CACNA1C: variants seen among roughly 807,000 people sequenced by gnomAD.
CACNA1C encodes the protein calcium voltage-gated channel subunit alpha1 C.
Under a neutral mutation model 229.0 loss-of-function variants are expected in CACNA1C, and 30 were observed. The ratio of observed to expected loss-of-function variants is 0.13; its 90% confidence interval spans 0.10 to 0.18. The LOEUF (loss-of-function observed/expected upper bound fraction) is 0.18, where lower values mean the gene tolerates loss of function less well. CACNA1C is among the 10% of genes least tolerant of loss of function. The probability of loss-of-function intolerance (pLI) is 1.00; values close to 1 mark genes in which losing one functional copy is unlikely to be tolerated. For synonymous variants in CACNA1C, 1,114 were observed against 1,132.5 expected (o/e 0.98, Z 0.33); for missense variants, 1,658 against 2,845.0 (o/e 0.58, Z 9.49).
intron 3 of CACNA1C, among the ~76,000 whole-genome samples, chr12:2,332,460 T>G (rs148738231): frequency 6.6e-6 from 1 of 152,238 alleles, no homozygotes; most frequent in Non-Finnish European, 1.5e-5. Flanking sequence ...TCCTAAACCC[T>G]AGCCACAGGA....
At chr12:2,332,135 T>TGG (rs2096567272) in intron 3 of CACNA1C, among the ~76,000 whole-genome samples, 1 of 152,236 alleles carries the variant, frequency 6.6e-6, no homozygotes, top group Admixed American at 6.5e-5. Context: ...GACATCCTGT[T>TGG]TGGAACTTAG....
intron 3 of CACNA1C, among the ~76,000 whole-genome samples, chr12:2,183,651 G>C (rs1229707290): frequency 6.6e-6 from 1 of 152,158 alleles, no homozygotes; most frequent in Non-Finnish European, 1.5e-5. Flanking sequence ...ATGTGCTAGC[G>C]GGCACAGAGA....
Position 2,647,583 on chromosome 12 carries a change from T to G in CACNA1C, c.3913-892T>G, listed in dbSNP as rs1285117297. On this transcript the variant is annotated intron_variant, in intron 30 of 46. Transcript: ENST00000399655. The surrounding 1 kb of genome is among the most constrained non-coding windows in gnomAD (Gnocchi z 4.2). ...AGCAAGGCCATCTCCTGCCTGAGCC[T>G]GAGCTTTCAGAACAAGCCCCATTAT... Among the ~76,000 whole-genome samples the G allele has an allele frequency of 6.6e-6, 1 of 152,234 alleles. No homozygotes were observed. Among genetic ancestry groups the G allele is most frequent in the African/African-American group, 2.4e-5 (1 of 41,472 alleles).
At chr12:2,233,119 A>C (rs769900951) in intron 3 of CACNA1C, among the ~76,000 whole-genome samples, 2 of 152,198 alleles carry the variant, frequency 1.3e-5, no homozygotes, top group Admixed American at 6.5e-5. Context: ...TTGTGTTTAT[A>C]TGGAGACTCT....
At chr12:2,206,107 G>C (rs563533242) in intron 3 of CACNA1C, among the ~76,000 whole-genome samples, 1 of 152,222 alleles carries the variant, frequency 6.6e-6, no homozygotes, top group East Asian at 1.9e-4. Flanking sequence ...GTTTAGGGAG[G>C]GGGAGGGCGA....
At chr12:2,170,312 C>A (rs1376235080) in intron 3 of CACNA1C, among the ~76,000 whole-genome samples, 1 of 152,184 alleles carries the variant, frequency 6.6e-6, no homozygotes, top group African/African-American at 2.4e-5. Flanking sequence ...AAGCCCTCTA[C>A]TCTGCTTTAC....
chr12:2,033,287 C>T (rs749305547), intron 1 of CACNA1C, among the ~76,000 whole-genome samples: 2 of 152,160 alleles, frequency 1.3e-5, no homozygotes, highest in Non-Finnish European at 2.9e-5. Flanking sequence ...ATGATGCCCG[C>T]CCTCTGCAGG....
intron 6 of CACNA1C, among the ~76,000 whole-genome samples, chr12:2,490,999 CAG>C (rs2154571411): frequency 6.6e-6 from 1 of 152,328 alleles, no homozygotes; most frequent in South Asian, 2.1e-4. Flanking sequence ...AGACGTCCAT[CAG>C]CTGGTGAATG....
intron 3 of CACNA1C, among the ~76,000 whole-genome samples, chr12:2,232,241 T>G (rs904408288): frequency 7.4e-5 from 11 of 148,004 alleles, no homozygotes; most frequent in South Asian, 2.2e-4. Context: ...TTTTTTTTTT[T>G]TTTTTTTTTT....
intron 10 of CACNA1C, among the ~76,000 whole-genome samples, chr12:2,552,796 G>A (rs779794399): frequency 5.9e-5 from 9 of 152,164 alleles, no homozygotes; most frequent in African/African-American, 9.7e-5. Flanking sequence ...AATGGGCCAC[G>A]ACAGAGTGCT....
At chr12:2,399,621 C>A (rs2098647947) in intron 3 of CACNA1C, among the ~76,000 whole-genome samples, 1 of 152,234 alleles carries the variant, frequency 6.6e-6, no homozygotes, top group Non-Finnish European at 1.5e-5. Flanking sequence ...TCCTTCTCTG[C>A]CACGCTGCTC....
rs116578706 is a variant in CACNA1C at position 2,673,927 on chromosome 12, A to G, written c.4727-614A>G. Among the ~76,000 whole-genome samples the G allele has an allele frequency of 7.1e-3, 1,079 of 152,344 alleles. 13 individuals are homozygous for G. The highest frequency in any genetic ancestry group is 0.024 in the African/African-American group (1,008 of 41,578). On this transcript the variant is annotated intron_variant, in intron 38 of 46. Coordinates refer to ENST00000399655, the MANE Select transcript of CACNA1C (RefSeq NM_000719.7). ...TGTGTACCCTGATGAGGAGCATCTT[A>G]GAATCCTGTCCCCTACATCTGCCCT...
At chr12:2,557,039 G>C (rs980026090) in intron 11 of CACNA1C, 62 bp downstream of exon 11, 12 of 1,418,664 alleles carry the variant, frequency 8.5e-6, no homozygotes, top group South Asian at 6.9e-5. Context: ...CAGCCACCCT[G>C]TTGGGTGGCC....
intron 9 of CACNA1C, among the ~76,000 whole-genome samples, chr12:2,514,310 C>T (rs1191336962): frequency 6.6e-6 from 1 of 152,234 alleles, no homozygotes; most frequent in Non-Finnish European, 1.5e-5. Flanking sequence ...CTATCAACTG[C>T]TCCCTTTCTG....
intron 18 of CACNA1C, among the ~76,000 whole-genome samples, chr12:2,592,066 A>T (rs2065621362): frequency 6.6e-6 from 1 of 152,248 alleles, no homozygotes; most frequent in African/African-American, 2.4e-5. Context: ...AAATAAGGTC[A>T]CATTGCAAAG....
intron 3 of CACNA1C, among the ~76,000 whole-genome samples, chr12:2,260,590 TCTG>T (rs530720987): frequency 2.6e-5 from 4 of 152,172 alleles, no homozygotes; most frequent in South Asian, 2.1e-4. Context: ...GGCTCTCACT[TCTG>T]CTGGTGGGGC....
intron 1 of CACNA1C, among the ~76,000 whole-genome samples, chr12:2,026,546 A>G (rs2047359197): frequency 6.6e-6 from 1 of 152,238 alleles, no homozygotes; most frequent in South Asian, 2.1e-4. Context: ...AAGGGAACAC[A>G]TTTAAGAGAC....
chr12:2,538,632 C>G (rs973169266), intron 9 of CACNA1C, among the ~76,000 whole-genome samples: 5 of 152,180 alleles, frequency 3.3e-5, no homozygotes, highest in African/African-American at 7.2e-5. Flanking sequence ...TAGGGCAAGG[C>G]CAAGGCGAGG....
chr12:2,293,240 A>G (rs1321490388), intron 3 of CACNA1C, among the ~76,000 whole-genome samples: 2 of 152,244 alleles, frequency 1.3e-5, no homozygotes, highest in Non-Finnish European at 2.9e-5. Context: ...AACCTGTAGC[A>G]TAAGTGTGCT....
Sources: gnomAD v4.1 joint callset for allele counts (sites outside exome capture counted in the v4.1 genomes callset) on GRCh38, gnomAD v4.1.1 for gene constraint, Gnocchi (gnomAD v3.1) non-coding constraint, MANE v1.5 for transcripts, NCBI Gene and HGNC (gene_info 2026-07-23, HGNC 2026-07-21) for gene names.